The following XKR6 variants were observed in gnomAD, a reference collection of about 807,000 sequenced individuals.
XKR6 encodes XK-related protein 6.
In XKR6, 22 loss-of-function variants were observed where a neutral mutation model predicts 56.7. The ratio of observed to expected loss-of-function variants is 0.39; its 90% confidence interval spans 0.28 to 0.55. The LOEUF is 0.55. Among genes scored for constraint, XKR6 ranks in the 20% least tolerant of loss-of-function variants. The pLI, the probability that XKR6 is intolerant of heterozygous loss-of-function variation, is 0.66. For synonymous variants in XKR6, 524 were observed against 387.8 expected, an observed-to-expected ratio of 1.35 and a Z score of -4.13; for missense variants, 852 against 889.0, an observed-to-expected ratio of 0.96 and a Z score of 0.53.
intron 1 of XKR6, among the ~76,000 whole-genome samples, chr8:10,959,774 G>T (rs1042895086): frequency 6.6e-6 from 1 of 152,196 alleles, no homozygotes; most frequent in African/African-American, 2.4e-5. Flanking sequence ...GGAAAAGACA[G>T]AGGAACAATC....
intron 1 of XKR6, among the ~76,000 whole-genome samples, chr8:11,049,738 A>G (rs536683935): frequency 9.2e-5 from 14 of 152,304 alleles, no homozygotes; most frequent in Non-Finnish European, 7.4e-5. Flanking sequence ...CATTCTCTCA[A>G]TGATGGGTGA....
chr8:11,092,677 ACT>A (rs1798115544), intron 1 of XKR6, among the ~76,000 whole-genome samples: 1 of 151,532 alleles, frequency 6.6e-6, no homozygotes, highest in African/African-American at 2.4e-5. Flanking sequence ...CCAAAGAGAA[ACT>A]CTTCCCCCTG....
chr8:10,991,491 A>G (rs1797992606), intron 1 of XKR6, among the ~76,000 whole-genome samples: 1 of 152,194 alleles, frequency 6.6e-6, no homozygotes, highest in Non-Finnish European at 1.5e-5. Context: ...ATTAATTTGG[A>G]TGTTAAGGCC....
chr8:11,183,624 A>G (rs1803112865), intron 1 of XKR6, among the ~76,000 whole-genome samples: 1 of 151,974 alleles, frequency 6.6e-6, no homozygotes, highest in Non-Finnish European at 1.5e-5. Context: ...CACCTGGCTT[A>G]TTTTCTGGAT....
At chr8:11,029,396 T>G (rs1798941369) in intron 1 of XKR6, among the ~76,000 whole-genome samples, 1 of 152,184 alleles carries the variant, frequency 6.6e-6, no homozygotes, top group African/African-American at 2.4e-5. Context: ...TGTGATGGTA[T>G]TAGGAAATGG....
chr8:10,973,979 G>GA (rs1554518175), intron 1 of XKR6, among the ~76,000 whole-genome samples: 1 of 151,780 alleles, frequency 6.6e-6, no homozygotes, highest in Non-Finnish European at 1.5e-5. Flanking sequence ...TATCATTCCA[G>GA]TTTTTTTTTA....
intron 1 of XKR6, among the ~76,000 whole-genome samples, chr8:11,032,470 T>A (rs1276529395): frequency 6.6e-6 from 1 of 152,146 alleles, no homozygotes; most frequent in African/African-American, 2.4e-5. Flanking sequence ...CACATGAGTT[T>A]AGATTAGGGA....
At chr8:10,959,878 C>T (rs1802009353) in intron 1 of XKR6, among the ~76,000 whole-genome samples, 2 of 152,298 alleles carry the variant, frequency 1.3e-5, no homozygotes, top group South Asian at 4.1e-4. Context: ...GGAAGTGGTT[C>T]TCCTTCCAAA....
At chr8:10,939,047 T>TCCTGCTTCTCCCAGGA (rs1460661262) in intron 1 of XKR6, among the ~76,000 whole-genome samples, 2 of 152,166 alleles carry the variant, frequency 1.3e-5, no homozygotes, top group South Asian at 2.1e-4. Flanking sequence ...AAGGACCTTT[T>TCCTGCTTCTCCCAGGA]CCTGCTTCTC....
At chr8:11,148,088 T>C (rs1300327849) in intron 1 of XKR6, among the ~76,000 whole-genome samples, 2 of 152,096 alleles carry the variant, frequency 1.3e-5, no homozygotes, top group Non-Finnish European at 2.9e-5. Context: ...CATGCACCTG[T>C]AGTCCCAGCT....
In XKR6 at chr8:10,999,070, CA is replaced by C. The variant is rs1798181241; in HGVS notation, c.765-74241del. 2.0e-5 allele frequency among the ~76,000 whole-genome samples: 3 copies of C among 152,312 alleles called. No individual in the cohort carries two copies. In the South Asian group the frequency reaches 6.2e-4, roughly 32 times the overall value. The stretch of plus-strand genomic sequence containing the variant: ...GCTTGGAAGAAAACAGAAATTCTTA[CA>C]AAAACGTTTGTTTTCTTCTCCCTCC... On this transcript the variant is annotated intron_variant, in intron 1 of 2. Coordinates refer to ENST00000416569, the MANE Select transcript of XKR6 (RefSeq NM_173683.4).
intron 1 of XKR6, among the ~76,000 whole-genome samples, chr8:11,131,821 C>T (rs1036148117): frequency 9.2e-5 from 14 of 152,298 alleles, no homozygotes; most frequent in Admixed American, 7.8e-4. Context: ...AGTAGAGTAA[C>T]GTGCTATACA....
chr8:11,015,434 G>A (rs891602203), intron 1 of XKR6, among the ~76,000 whole-genome samples: 15 of 152,086 alleles, frequency 9.9e-5, no homozygotes, highest in African/African-American at 3.6e-4. Flanking sequence ...TAAACGCACT[G>A]GAGGCTTCTT....
intron 1 of XKR6, among the ~76,000 whole-genome samples, chr8:11,169,384 T>TG (rs1431262025): frequency 6.6e-6 from 1 of 152,164 alleles, no homozygotes; most frequent in African/African-American, 2.4e-5. Context: ...GCCACCATGA[T>TG]GCACTGAAGC....
chr8:10,990,895 CTT>C (rs59410799), intron 1 of XKR6, among the ~76,000 whole-genome samples: 9 of 73,592 alleles, frequency 1.2e-4, no homozygotes, highest in East Asian at 3.5e-4. Context: ...TGGGGAATGT[CTT>C]TTTTTTTTTT....
intron 1 of XKR6, among the ~76,000 whole-genome samples, chr8:11,126,849 A>G (rs1004667850): frequency 3.9e-5 from 6 of 152,176 alleles, no homozygotes; most frequent in African/African-American, 1.4e-4. Flanking sequence ...AAGCCCCACA[A>G]ACAAGTCATG....
At chr8:11,120,652 C>T (rs1389264544) in intron 1 of XKR6, among the ~76,000 whole-genome samples, 1 of 152,140 alleles carries the variant, frequency 6.6e-6, no homozygotes, top group Admixed American at 6.6e-5. Flanking sequence ...CATCAAGCTA[C>T]CAATGACTTT....
intron 1 of XKR6, among the ~76,000 whole-genome samples, chr8:11,086,198 T>C (rs894929068): frequency 6.6e-6 from 1 of 151,614 alleles, no homozygotes; most frequent in Non-Finnish European, 1.5e-5. Context: ...TCCAGATTCT[T>C]GCTAATGCAT....
intron 1 of XKR6, among the ~76,000 whole-genome samples, chr8:11,040,359 T>TA (rs143219123): frequency 0.041 from 4,397 of 107,146 alleles, 223 homozygotes; most frequent in African/African-American, 0.12. Context: ...TCATGTCTGC[T>TA]AAAAAAAAAA....
Sources: gnomAD v4.1 joint callset for allele counts (sites outside exome capture counted in the v4.1 genomes callset) on GRCh38, gnomAD v4.1.1 for gene constraint, MANE v1.5 for transcripts, NCBI Gene and HGNC (gene_info 2026-07-23, HGNC 2026-07-21) for gene names.